The following SLC37A3 variants were observed in gnomAD, a reference collection of about 807,000 sequenced individuals.
The protein encoded by SLC37A3 is solute carrier family 37 member 3, also known as sugar phosphate exchanger 3.
Under a neutral mutation model 67.1 loss-of-function variants are expected in SLC37A3, and 51 were observed. The observed-to-expected ratio is 0.76, with a 90% CI of 0.61 to 0.96. The LOEUF is 0.96. Among genes scored for constraint, SLC37A3 ranks in the 40% least tolerant of loss-of-function variants. SLC37A3 has a pLI of 0.00. For missense variants in SLC37A3, 508 were observed against 603.0 expected, an observed-to-expected ratio of 0.84 and a Z score of 1.65; for synonymous variants, 214 against 231.4, an observed-to-expected ratio of 0.92 and a Z score of 0.68.
chr7:140,375,052 AG>A (rs1563041721), intron 3 of SLC37A3, among the ~76,000 whole-genome samples: 21 of 150,704 alleles, frequency 1.4e-4, no homozygotes, highest in African/African-American at 5.1e-4. Flanking sequence ...AGGCTGAGGC[AG>A]AAGAATCGAA....
intron 5 of SLC37A3, 53 bp from the exon 6 acceptor site, chr7:140,358,838 G>C: frequency 6.2e-7 from 1 of 1,607,086 alleles, no homozygotes; most frequent in Non-Finnish European, 8.5e-7. Context: ...GACACTTTCA[G>C]TGGACGCCAC....
At chr7:140,376,293 A>C (rs1030462135) in intron 3 of SLC37A3, among the ~76,000 whole-genome samples, 25 of 152,260 alleles carry the variant, frequency 1.6e-4, no homozygotes, top group African/African-American at 5.5e-4. Flanking sequence ...GAAGAAAATT[A>C]ACAATAACAT....
intron 13 of SLC37A3, among the ~76,000 whole-genome samples, chr7:140,342,355 TTC>T (rs1016894971): frequency 6.6e-6 from 1 of 152,150 alleles, no homozygotes; most frequent in African/African-American, 2.4e-5. Context: ...AATCCTTCAG[TTC>T]TCTTTCTCCT....
intron 2 of SLC37A3, among the ~76,000 whole-genome samples, 189 bp from the exon 3 acceptor site, chr7:140,380,579 C>T (rs1378849041): frequency 1.3e-5 from 2 of 152,158 alleles, no homozygotes; most frequent in African/African-American, 2.4e-5. Flanking sequence ...GACAGGATCT[C>T]GCTCTGTCAC....
intron 5 of SLC37A3, among the ~76,000 whole-genome samples, chr7:140,359,794 C>T (rs961252748): frequency 1.3e-5 from 2 of 151,958 alleles, no homozygotes; most frequent in Non-Finnish European, 2.9e-5. Flanking sequence ...CAGGGGTTGC[C>T]AGGGGCTGGA....
intron 12 of SLC37A3, among the ~76,000 whole-genome samples, chr7:140,344,480 G>A (rs1196106437): frequency 6.6e-6 from 1 of 151,984 alleles, no homozygotes; most frequent in East Asian, 1.9e-4. Context: ...TTCTGGCTGG[G>A]GATGGTGGCT....
At chr7:140,358,910 T>A in intron 5 of SLC37A3, 125 bp from the exon 6 acceptor site, 1 of 1,215,080 alleles carries the variant, frequency 8.2e-7, no homozygotes, top group Non-Finnish European at 1.2e-6. Context: ...CCAGTGCCTG[T>A]AAGTCACGTG....
intron 5 of SLC37A3, among the ~76,000 whole-genome samples, chr7:140,361,239 T>G (rs1797258611): frequency 7.2e-6 from 1 of 138,584 alleles, no homozygotes. Context: ...TCCCAGCACT[T>G]TGGGAGGCCG....
Position 140,335,267 on chromosome 7 carries a change from C to T in SLC37A3, c.*145G>A, listed in dbSNP as rs982020740. 2 of 1,614,036 alleles carry T rather than the reference C, an allele frequency of 1.2e-6. No individual in the cohort carries two copies. The highest frequency in any genetic ancestry group is 1.7e-6 in the Non-Finnish European group (2 of 1,180,030). ...TAGTGCAGCCTTCACTGCTGGTCAG[C>T]ATCTCAGGTGGCTGGCAGTGTTGAG... On this transcript the variant is annotated 3_prime_UTR_variant, in exon 15 of 15. Transcript: ENST00000326232.
chr7:140,347,967 T>C (rs1796633280), intron 10 of SLC37A3, among the ~76,000 whole-genome samples: 2 of 152,214 alleles, frequency 1.3e-5, no homozygotes, highest in South Asian at 4.1e-4. Flanking sequence ...ATACATACTA[T>C]GTTTTTTTCT....
intron 5 of SLC37A3, among the ~76,000 whole-genome samples, chr7:140,361,534 CCTCTCT>C (rs1327865260): frequency 3.2e-4 from 25 of 77,754 alleles, no homozygotes; most frequent in African/African-American, 6.9e-4. Flanking sequence ...CCTCCCCCTC[CCTCTCT>C]CCCTCTCCGT....
At chr7:140,360,324 C>T (rs1181533068) in intron 5 of SLC37A3, among the ~76,000 whole-genome samples, 1 of 151,990 alleles carries the variant, frequency 6.6e-6, no homozygotes, top group African/African-American at 2.4e-5. Flanking sequence ...GGCAGCAAAT[C>T]GAGACCTTAT....
intron 6 of SLC37A3, among the ~76,000 whole-genome samples, chr7:140,358,047 G>A (rs1797106415): frequency 6.6e-6 from 1 of 152,074 alleles, no homozygotes; most frequent in African/African-American, 2.4e-5. Context: ...CTGCACTCCA[G>A]CCTGGTGACA....
At chr7:140,381,827 G>C (rs968092629) in intron 2 of SLC37A3, among the ~76,000 whole-genome samples, 1 of 151,990 alleles carries the variant, frequency 6.6e-6, no homozygotes, top group South Asian at 2.1e-4. Context: ...AGGAGATTGA[G>C]ACTATCCTGG....
chr7:140,388,419 TGA>T (rs1407079285), intron 1 of SLC37A3, among the ~76,000 whole-genome samples: 1 of 146,728 alleles, frequency 6.8e-6, no homozygotes, highest in African/African-American at 2.5e-5. Flanking sequence ...CACGACAGAG[TGA>T]GACCCTGTAC....
At chr7:140,356,144 A>C (rs368102807) in intron 6 of SLC37A3, among the ~76,000 whole-genome samples, 9 of 151,612 alleles carry the variant, frequency 5.9e-5, no homozygotes, top group African/African-American at 1.5e-4. Flanking sequence ...CAGTAAGCCG[A>C]GATCACGCCA....
intron 13 of SLC37A3, among the ~76,000 whole-genome samples, chr7:140,342,942 T>A (rs1281730206): frequency 6.6e-6 from 1 of 152,172 alleles, no homozygotes; most frequent in Admixed American, 6.5e-5. Context: ...GAGCGAGTGA[T>A]TCAGAAGCAG....
At chr7:140,374,712 G>A (rs568974631) in intron 3 of SLC37A3, among the ~76,000 whole-genome samples, 1 of 152,070 alleles carries the variant, frequency 6.6e-6, no homozygotes, top group South Asian at 2.1e-4. Context: ...TGGGCATGGT[G>A]GTGCACACCT....
intron 6 of SLC37A3, among the ~76,000 whole-genome samples, chr7:140,356,512 T>C (rs1032504720): frequency 2.0e-5 from 3 of 151,872 alleles, no homozygotes; most frequent in Non-Finnish European, 4.4e-5. Flanking sequence ...CGAAACCCCG[T>C]CTCTACTAAA....
Sources: allele counts gnomAD v4.1 joint callset (sites outside exome capture counted in the v4.1 genomes callset), GRCh38; gene constraint gnomAD v4.1.1; transcripts MANE v1.5; gene names NCBI Gene and HGNC (gene_info 2026-07-23, HGNC 2026-07-21).